MSI2: variants seen among roughly 807,000 people sequenced by gnomAD.
MSI2 encodes the protein musashi RNA binding protein 2, also known as RNA-binding protein Musashi homolog 2.
Under a neutral mutation model 45.6 loss-of-function variants are expected in MSI2, and 17 were observed. That is an observed-to-expected ratio of 0.37 (90% confidence interval 0.26 to 0.56). The LOEUF (loss-of-function observed/expected upper bound fraction) is 0.56, where lower values mean the gene tolerates loss of function less well. Among genes scored for constraint, MSI2 ranks in the 20% least tolerant of loss-of-function variants. The pLI, the probability that MSI2 is intolerant of heterozygous loss-of-function variation, is 0.77. For missense variants in MSI2, 293 were observed against 444.2 expected, an observed-to-expected ratio of 0.66 and a Z score of 3.06; for synonymous variants, 156 against 158.2, an observed-to-expected ratio of 0.99 and a Z score of 0.11.
intron 6 of MSI2, among the ~76,000 whole-genome samples, chr17:57,495,259 A>G (rs1221297588): frequency 2.6e-5 from 4 of 152,188 alleles, no homozygotes; most frequent in African/African-American, 4.8e-5. Context: ...TGGGCCGGGC[A>G]CGGTGGCTCA....
chr17:57,500,706 C>T (rs2086085763), intron 6 of MSI2, among the ~76,000 whole-genome samples: 2 of 150,154 alleles, frequency 1.3e-5, no homozygotes, highest in Non-Finnish European at 2.9e-5. Context: ...GGTGTGGTGG[C>T]TCACACCTGT....
At chr17:57,383,561 T>C (rs1442108687) in intron 5 of MSI2, among the ~76,000 whole-genome samples, 1 of 152,170 alleles carries the variant, frequency 6.6e-6, no homozygotes, top group African/African-American at 2.4e-5. Flanking sequence ...CTTGGGAGGC[T>C]GAGGCAGGAG....
intron 11 of MSI2, among the ~76,000 whole-genome samples, chr17:57,653,703 T>A (rs1391082006): frequency 1.3e-5 from 2 of 152,178 alleles, no homozygotes; most frequent in African/African-American, 4.8e-5. Context: ...ACTTGGATTA[T>A]GAAACTAAAC....
intron 5 of MSI2, among the ~76,000 whole-genome samples, chr17:57,330,574 C>A (rs1051938591): frequency 2.0e-5 from 3 of 151,858 alleles, no homozygotes; most frequent in South Asian, 4.2e-4. Context: ...CCACTGTGTC[C>A]GGCCTCCTTT....
At chr17:57,468,362 A>T (rs1346373944) in intron 6 of MSI2, among the ~76,000 whole-genome samples, 1 of 151,640 alleles carries the variant, frequency 6.6e-6, no homozygotes, top group Non-Finnish European at 1.5e-5. Flanking sequence ...TACTAAAAAT[A>T]CAAAAAAAAT....
At chr17:57,650,289 G>T (rs1361262766) in intron 10 of MSI2, among the ~76,000 whole-genome samples, 1 of 152,090 alleles carries the variant, frequency 6.6e-6, no homozygotes, top group South Asian at 2.1e-4. Context: ...GGAGTGCAAA[G>T]GAATGACTCA....
intron 9 of MSI2, 78 bp downstream of exon 9, chr17:57,616,162 C>A: frequency 9.5e-7 from 1 of 1,050,790 alleles, no homozygotes; most frequent in Non-Finnish European, 1.4e-6. Flanking sequence ...GGTCACCTAC[C>A]AGTGGGGCAA....
At chr17:57,353,029 T>C (rs1425515844) in intron 5 of MSI2, among the ~76,000 whole-genome samples, 1 of 152,212 alleles carries the variant, frequency 6.6e-6, no homozygotes, top group African/African-American at 2.4e-5. Flanking sequence ...AAAGTCAAGA[T>C]GGAGAATTTC....
rs973417911 is a variant in MSI2 at position 57,432,894 on chromosome 17, C to T, written c.405+31423C>T. On this transcript the variant is annotated intron_variant, in intron 6 of 13. Transcript: ENST00000284073. Reference sequence around the variant, plus strand: ...ACCCCTTCTGCTTCCTGATGTGATTCCTTGTCACGGTCCCTCTTGCTCCAA... The same window carrying T: ...ACCCCTTCTGCTTCCTGATGTGATTTCTTGTCACGGTCCCTCTTGCTCCAA... 5.9e-5 allele frequency among the ~76,000 whole-genome samples: 9 copies of T among 152,182 alleles called. 1 individual carries two copies. The highest frequency in any genetic ancestry group is 1.9e-4 in the African/African-American group (8 of 41,436).
intron 6 of MSI2, among the ~76,000 whole-genome samples, chr17:57,507,155 A>G (rs1032406156): frequency 3.7e-5 from 5 of 136,902 alleles, no homozygotes; most frequent in South Asian, 2.4e-4. Context: ...TTCTCAATCT[A>G]TCTGTTTCTC....
intron 11 of MSI2, among the ~76,000 whole-genome samples, chr17:57,673,405 A>C (rs1298497664): frequency 2.6e-5 from 4 of 152,182 alleles, no homozygotes; most frequent in Non-Finnish European, 5.9e-5. Context: ...GGAGAAGCCA[A>C]GGGAGGCAGA....
At chr17:57,258,427 G>C in intron 4 of MSI2, 73 bp downstream of exon 4, 1 of 1,208,406 alleles carries the variant, frequency 8.3e-7, no homozygotes, top group South Asian at 1.2e-5. Context: ...CCATTTAAAG[G>C]GACAGTGCCT....
chr17:57,701,450 A>G, the MSI2 span, among the ~76,000 whole-genome samples: 3 of 152,208 alleles, frequency 2.0e-5, no homozygotes, highest in African/African-American at 7.2e-5. Flanking sequence ...CTGCCATTTG[A>G]GAAAACAGTG....
At position 57,485,358 on chromosome 17, in the gene MSI2, G is replaced by A. The variant is rs191548004; in HGVS notation, c.406-44318G>A. Among the ~76,000 whole-genome samples, 213 of 152,226 alleles carry A rather than the reference G, an allele frequency of 1.4e-3. 1 individual carries two copies. Among genetic ancestry groups the A allele is most frequent in the African/African-American group, 4.9e-3 (203 of 41,526 alleles). On this transcript the variant is annotated intron_variant, in intron 6 of 13. Transcript: ENST00000284073. Reference sequence around the variant, plus strand: ...TTAAATCCTTTTATTTCTAAAGATCGCCTGGTTAACGTATGAAGCTTTCTT... The same window carrying A: ...TTAAATCCTTTTATTTCTAAAGATCACCTGGTTAACGTATGAAGCTTTCTT...
intron 9 of MSI2, among the ~76,000 whole-genome samples, chr17:57,625,031 C>T (rs968428709): frequency 6.6e-5 from 10 of 152,124 alleles, no homozygotes; most frequent in African/African-American, 2.2e-4. Flanking sequence ...CCCTTCTAAC[C>T]GTGTCCTCAC....
chr17:57,461,592 G>A (rs2085230463), intron 6 of MSI2, among the ~76,000 whole-genome samples: 1 of 150,760 alleles, frequency 6.6e-6, no homozygotes, highest in Non-Finnish European at 1.5e-5. Context: ...CTGGAGTGCA[G>A]TGGAGCGATC....
At chr17:57,500,476 AGAG>A (rs1330711455) in intron 6 of MSI2, among the ~76,000 whole-genome samples, 1 of 151,314 alleles carries the variant, frequency 6.6e-6, no homozygotes, top group African/African-American at 2.4e-5. Flanking sequence ...TGGGCTAGCA[AGAG>A]GAGGAGCGAG....
At position 57,529,006 on chromosome 17, in the gene MSI2, T is replaced by C. The variant is rs561081969; in HGVS notation, c.406-670T>C. 6.6e-6 allele frequency among the ~76,000 whole-genome samples: 1 copy of C among 152,320 alleles called. No individual in the cohort carries two copies. Among genetic ancestry groups the C allele is most frequent in the Admixed American group, 6.5e-5 (1 of 15,298 alleles). ...ACTGGGAAATATGCATCGGTCAAGA[T>C]AGTAGTATACATGATATACTAACCT... On this transcript the variant is annotated intron_variant, in intron 6 of 13. Coordinates refer to ENST00000284073, the MANE Select transcript of MSI2 (RefSeq NM_138962.4). This position sits in a 1 kb window ranked among gnomAD's most constrained non-coding sequence, Gnocchi z 5.3.
At chr17:57,622,852 T>C (rs1207767569) in intron 9 of MSI2, among the ~76,000 whole-genome samples, 1 of 152,190 alleles carries the variant, frequency 6.6e-6, no homozygotes, top group Non-Finnish European at 1.5e-5. Context: ...CGCTTCCTGG[T>C]GGACAGAGGA....
Sources: allele counts gnomAD v4.1 joint callset (sites outside exome capture counted in the v4.1 genomes callset), GRCh38; gene constraint gnomAD v4.1.1; non-coding constraint Gnocchi (gnomAD v3.1); transcripts MANE v1.5; gene names NCBI Gene and HGNC (gene_info 2026-07-23, HGNC 2026-07-21).